The following RBFOX1 variants were observed in gnomAD, a reference collection of about 807,000 sequenced individuals.
The protein encoded by RBFOX1 is RNA binding protein fox-1 homolog 1.
In RBFOX1, 8 loss-of-function variants were observed where a neutral mutation model predicts 57.7. That is an observed-to-expected ratio of 0.14 (90% CI 0.08 to 0.25). The LOEUF is 0.25. Among genes scored for constraint, RBFOX1 ranks in the 10% least tolerant of loss-of-function variants. The pLI is 1.00. For missense variants in RBFOX1, 611 were observed against 548.5 expected, an observed-to-expected ratio of 1.11 and a Z score of -1.14; for synonymous variants, 326 against 222.4, an observed-to-expected ratio of 1.47 and a Z score of -4.15.
intron 4 of RBFOX1, among the ~76,000 whole-genome samples, chr16:7,454,597 A>C (rs548585986): frequency 6.6e-6 from 1 of 152,256 alleles, no homozygotes; most frequent in Admixed American, 6.5e-5. Flanking sequence ...ATGAAGGAAA[A>C]CTACACAAAG....
At chr16:6,225,239 TA>T (rs1289195165) in intron 1 of RBFOX1, among the ~76,000 whole-genome samples, 10 of 151,982 alleles carry the variant, frequency 6.6e-5, no homozygotes, top group Non-Finnish European at 1.3e-4. Context: ...GTTATATATA[TA>T]TATATAAAAT....
chr16:6,942,056 C>T (rs536260226), intron 3 of RBFOX1, among the ~76,000 whole-genome samples: 7 of 152,044 alleles, frequency 4.6e-5, no homozygotes, highest in Non-Finnish European at 1.0e-4. Flanking sequence ...TGGTGAAACC[C>T]CATCTTTACT....
At chr16:7,616,071 C>G (rs2058389659) in intron 10 of RBFOX1, among the ~76,000 whole-genome samples, 1 of 152,188 alleles carries the variant, frequency 6.6e-6, no homozygotes, top group African/African-American at 2.4e-5. Flanking sequence ...AAGGGAAAAG[C>G]ATAAACTTTG....
chr16:6,676,039 T>C (rs895906569), intron 3 of RBFOX1, among the ~76,000 whole-genome samples: 2 of 151,222 alleles, frequency 1.3e-5, no homozygotes, highest in Non-Finnish European at 2.9e-5. Flanking sequence ...CCTCAAAAGG[T>C]TTAAAGGAAA....
chr16:6,390,992 G>T (rs2092573481), intron 2 of RBFOX1, among the ~76,000 whole-genome samples: 1 of 152,132 alleles, frequency 6.6e-6, no homozygotes, highest in African/African-American at 2.4e-5. Flanking sequence ...CCTGTGTATA[G>T]TAAGATGTTC....
At chr16:6,942,989 A>G (rs947718245) in intron 3 of RBFOX1, among the ~76,000 whole-genome samples, 1 of 152,158 alleles carries the variant, frequency 6.6e-6, no homozygotes, top group Non-Finnish European at 1.5e-5. Context: ...AAAAAGCAAA[A>G]TGGATCCCCC....
chr16:6,582,478 T>G (rs1442559193), intron 2 of RBFOX1, among the ~76,000 whole-genome samples: 2 of 137,204 alleles, frequency 1.5e-5, no homozygotes, highest in African/African-American at 2.6e-5. Context: ...TTTTTTTCAA[T>G]TTTTAGATGC....
intron 3 of RBFOX1, among the ~76,000 whole-genome samples, chr16:6,692,190 T>A (rs1029033890): frequency 3.3e-5 from 5 of 152,220 alleles, no homozygotes; most frequent in African/African-American, 4.8e-5. Flanking sequence ...CTATAAAGAT[T>A]ACTTTGTTAC....
intron 3 of RBFOX1, among the ~76,000 whole-genome samples, chr16:6,897,976 G>A (rs559443957): frequency 1.6e-4 from 25 of 152,068 alleles, no homozygotes; most frequent in Non-Finnish European, 3.2e-4. Context: ...GTAACTTAAG[G>A]TCTGTAACTC....
At position 5,946,264 on chromosome 16, in the gene RBFOX1, G is replaced by A. The variant is rs1210033606; in HGVS notation, c.351+78929G>A. Among the ~76,000 whole-genome samples, 1 of 152,182 alleles carries A rather than the reference G, an allele frequency of 6.6e-6. No homozygotes were observed. Among genetic ancestry groups the A allele is most frequent in the East Asian group, 1.9e-4 (1 of 5,192 alleles). ...TCTCTAAGTCTCAGCTTTCTAATCTGTAAAAGGGACACAATCATAGGACCT... is the reference window on the plus strand; with the variant it reads ...TCTCTAAGTCTCAGCTTTCTAATCTATAAAAGGGACACAATCATAGGACCT... On this transcript the variant is annotated intron_variant, in intron 4 of 19. Coordinates refer to the RBFOX1 transcript ENST00000641259. This position sits in a 1 kb window ranked among gnomAD's most constrained non-coding sequence, Gnocchi z 4.6.
intron 3 of RBFOX1, among the ~76,000 whole-genome samples, chr16:5,846,316 C>A (rs2151856059): frequency 6.6e-6 from 1 of 152,082 alleles, no homozygotes; most frequent in African/African-American, 2.4e-5. Context: ...AAGAGGGCAC[C>A]CCCCTCTTAA....
intron 3 of RBFOX1, among the ~76,000 whole-genome samples, chr16:6,680,274 CT>C (rs1180378585): frequency 0.26 from 22,890 of 87,884 alleles, 1,406 homozygotes; most frequent in East Asian, 0.35. Context: ...TTCTCTCTCT[CT>C]TTTTTTTTTT....
At chr16:5,554,674 G>A (rs141912159) in intron 2 of RBFOX1, among the ~76,000 whole-genome samples, 56 of 152,256 alleles carry the variant, frequency 3.7e-4, no homozygotes, top group African/African-American at 1.3e-3. Flanking sequence ...AAATGAATTG[G>A]TTAGTATTGC....
At chr16:6,110,195 C>CTTTTTTTTTTTTTTTTT (rs3049169) in intron 1 of RBFOX1, among the ~76,000 whole-genome samples, 16 of 128,244 alleles carry the variant, frequency 1.2e-4, no homozygotes, top group Non-Finnish European at 1.5e-4. Context: ...TTTTCTTCTT[C>CTTTTTTTTTTTTTTTTT]TTTTTTTTTT....
At chr16:7,539,202 C>G (rs996152721) in intron 5 of RBFOX1, among the ~76,000 whole-genome samples, 21 of 152,016 alleles carry the variant, frequency 1.4e-4, no homozygotes, top group African/African-American at 5.1e-4. Flanking sequence ...GAAGAAAACA[C>G]ATATTAGGTT....
At chr16:6,361,356 G>A (rs573810473) in intron 2 of RBFOX1, among the ~76,000 whole-genome samples, 17 of 152,192 alleles carry the variant, frequency 1.1e-4, no homozygotes, top group South Asian at 6.2e-4. Flanking sequence ...TGGGCCAGGC[G>A]CGGTGGCTCA....
chr16:6,024,168 G>C (rs1596465734), intron 1 of RBFOX1, among the ~76,000 whole-genome samples: 1 of 152,200 alleles, frequency 6.6e-6, no homozygotes, highest in Non-Finnish European at 1.5e-5. Context: ...CTACAGAAGA[G>C]TGTGTTGTCT....
At chr16:7,369,209 C>G (rs1314805662) in intron 4 of RBFOX1, among the ~76,000 whole-genome samples, 3 of 151,692 alleles carry the variant, frequency 2.0e-5, no homozygotes, top group African/African-American at 7.3e-5. Context: ...TTCCCCCAGC[C>G]CAATAGTAAA....
At chr16:6,277,234 G>A (rs79412200) in intron 1 of RBFOX1, among the ~76,000 whole-genome samples, 2,591 of 151,984 alleles carry the variant, frequency 0.017, 80 homozygotes, top group African/African-American at 0.057. Flanking sequence ...GCCAAGGCAG[G>A]CAGATAACTT....
Sources: gnomAD v4.1 joint callset for allele counts (sites outside exome capture counted in the v4.1 genomes callset) on GRCh38, gnomAD v4.1.1 for gene constraint, Gnocchi (gnomAD v3.1) non-coding constraint, MANE v1.5 for transcripts, NCBI Gene and HGNC (gene_info 2026-07-23, HGNC 2026-07-21) for gene names.